SMYD2: variants seen among roughly 807,000 people sequenced by gnomAD.
The protein encoded by SMYD2 is SET and MYND domain containing 2.
SMYD2 carries 53 observed loss-of-function variants against 59.1 expected under a neutral mutation model. The ratio of observed to expected loss-of-function variants is 0.90; its 90% CI spans 0.72 to 1.13. The LOEUF (loss-of-function observed/expected upper bound fraction) is 1.13, where lower values mean the gene tolerates loss of function less well. SMYD2 is among the 50% of genes most tolerant of loss of function. SMYD2 has a pLI of 0.00. For missense variants in SMYD2, 494 were observed against 544.7 expected, an observed-to-expected ratio of 0.91 and a Z score of 0.93; for synonymous variants, 208 against 198.8, an observed-to-expected ratio of 1.05 and a Z score of -0.39.
intron 1 of SMYD2, among the ~76,000 whole-genome samples, chr1:214,293,692 T>C (rs1308066007): frequency 6.6e-6 from 1 of 152,120 alleles, no homozygotes; most frequent in Non-Finnish European, 1.5e-5. Context: ...AACTCTTTTT[T>C]TGAGATGGAG....
At chr1:214,302,022 C>G (rs561489292) in intron 1 of SMYD2, among the ~76,000 whole-genome samples, 42 of 152,296 alleles carry the variant, frequency 2.8e-4, no homozygotes, top group African/African-American at 8.9e-4. Context: ...CTTTCACCCT[C>G]TTACTGCCAG....
intron 6 of SMYD2, among the ~76,000 whole-genome samples, chr1:214,325,600 C>T (rs932540576): frequency 2.6e-5 from 4 of 152,126 alleles, no homozygotes; most frequent in Admixed American, 6.5e-5. Flanking sequence ...CTCTGCCAGA[C>T]GCTGTGCGTT....
At chr1:214,323,142 A>G (rs1438768661) in intron 5 of SMYD2, among the ~76,000 whole-genome samples, 3 of 152,130 alleles carry the variant, frequency 2.0e-5, no homozygotes, top group Non-Finnish European at 2.9e-5. Flanking sequence ...TAAAAAGTAG[A>G]GTCTTAGTTT....
At chr1:214,335,685 G>GTATC (rs1422168903) in intron 11 of SMYD2, among the ~76,000 whole-genome samples, 4 of 152,178 alleles carry the variant, frequency 2.6e-5, no homozygotes, top group Non-Finnish European at 5.9e-5. Context: ...TCGAAACACT[G>GTATC]TATCTGAATT....
chr1:214,332,201 A>T lies in SMYD2; in HGVS notation c.1112+9A>T. On this transcript the variant is annotated intron_variant, in intron 10 of 11. Coordinates refer to ENST00000366957, the MANE Select transcript of SMYD2 (RefSeq NM_020197.3). Reference sequence around the variant, plus strand: ...ATCATTAAGCCCTACAGGTGATTGCAGAGGCTGTTCTAATCATCCACGGAG... The same window carrying T: ...ATCATTAAGCCCTACAGGTGATTGCTGAGGCTGTTCTAATCATCCACGGAG... 6.2e-7 allele frequency: 1 copy of T among 1,613,442 alleles called. No individual in the cohort carries two copies. The highest frequency in any genetic ancestry group is 8.5e-7 in the Non-Finnish European group (1 of 1,179,630).
intron 1 of SMYD2, among the ~76,000 whole-genome samples, chr1:214,292,943 A>T (rs1246040316): frequency 2.6e-5 from 4 of 151,096 alleles, no homozygotes; most frequent in Non-Finnish European, 5.9e-5. Context: ...TAGAGCCTTC[A>T]GTTTGTTTAT....
intron 1 of SMYD2, among the ~76,000 whole-genome samples, chr1:214,297,529 A>G (rs1411057530): frequency 6.6e-6 from 1 of 152,168 alleles, no homozygotes; most frequent in Non-Finnish European, 1.5e-5. Context: ...TCAGTCAGCA[A>G]TAGTCGAACA....
intron 1 of SMYD2, among the ~76,000 whole-genome samples, chr1:214,289,953 G>T (rs1199499855): frequency 1.3e-5 from 2 of 152,236 alleles, no homozygotes; most frequent in Non-Finnish European, 2.9e-5. Context: ...GTTTAGGGGT[G>T]CAGTCCTTTG....
chr1:214,331,996 C>A (rs200824118), intron 9 of SMYD2, 22 bp from the exon 10 acceptor site: 2 of 1,605,120 alleles, frequency 1.2e-6, no homozygotes, highest in Non-Finnish European at 1.7e-6. Context: ...GCCCGGTGGC[C>A]CTTTCCTTGA....
intron 2 of SMYD2, 60 bp from the exon 3 acceptor site, chr1:214,314,702 C>T (rs1657052297): frequency 7.5e-7 from 1 of 1,335,794 alleles, no homozygotes; most frequent in Non-Finnish European, 1.1e-6. Context: ...ATCCTCTCCT[C>T]TCACACTTTA....
chr1:214,332,376 TC>T, intron 10 of SMYD2, 184 bp downstream of exon 10: 1 of 610,102 alleles, frequency 1.6e-6, no homozygotes. Flanking sequence ...CTCACCATCA[TC>T]CCAAGGAGAC....
intron 3 of SMYD2, among the ~76,000 whole-genome samples, chr1:214,316,917 G>C (rs190894643): frequency 6.6e-6 from 1 of 152,194 alleles, no homozygotes; most frequent in Non-Finnish European, 1.5e-5. Flanking sequence ...TGGGTGTGAG[G>C]TATCAGAGTC....
chr1:214,291,603 TA>T (rs1365703363), intron 1 of SMYD2, among the ~76,000 whole-genome samples: 1 of 152,244 alleles, frequency 6.6e-6, no homozygotes, highest in African/African-American at 2.4e-5. Context: ...TTGTTTTACG[TA>T]AAAACTTTGA....
At chr1:214,297,425 TC>T (rs1656752427) in intron 1 of SMYD2, among the ~76,000 whole-genome samples, 1 of 152,160 alleles carries the variant, frequency 6.6e-6, no homozygotes, top group Non-Finnish European at 1.5e-5. Flanking sequence ...TACGACTGTG[TC>T]TTTTGTAGGA....
At chr1:214,329,177 G>C (rs1657310510) in intron 7 of SMYD2, among the ~76,000 whole-genome samples, 1 of 152,132 alleles carries the variant, frequency 6.6e-6, no homozygotes, top group South Asian at 2.1e-4. Flanking sequence ...TCAGTGCTTT[G>C]GGGATTACTT....
At chr1:214,285,115 G>C (rs1656515544) in intron 1 of SMYD2, among the ~76,000 whole-genome samples, 1 of 152,182 alleles carries the variant, frequency 6.6e-6, no homozygotes, top group African/African-American at 2.4e-5. Context: ...GCTTAGATTA[G>C]TTGTTTTAAA....
At chr1:214,334,428 C>G (rs1312815379) in intron 11 of SMYD2, 120 bp downstream of exon 11, 3 of 906,750 alleles carry the variant, frequency 3.3e-6, no homozygotes, top group African/African-American at 3.3e-5. Context: ...TCTCACCCAC[C>G]CTCTTGCCGT....
rs756200703 is a variant in SMYD2 at position 214,312,618 on chromosome 1, G to A, written c.238-2144G>A. 1.5e-4 allele frequency among the ~76,000 whole-genome samples: 23 copies of A among 152,298 alleles called. No individual in the cohort carries two copies. Among genetic ancestry groups the A allele is most frequent in the Non-Finnish European group, 7.3e-5 (5 of 68,030 alleles). Reference sequence around the variant, plus strand: ...TCACATGGATATCCAGGGGAGGAGAGTGCTAGCCACAAAACAGAGCAAGTG... The same window carrying A: ...TCACATGGATATCCAGGGGAGGAGAATGCTAGCCACAAAACAGAGCAAGTG... On this transcript the variant is annotated intron_variant, in intron 2 of 11. Coordinates refer to ENST00000366957, the MANE Select transcript of SMYD2 (RefSeq NM_020197.3). This position sits in a 1 kb window ranked among gnomAD's most constrained non-coding sequence, Gnocchi z 4.1.
At chr1:214,295,057 AT>A (rs1339044003) in intron 1 of SMYD2, among the ~76,000 whole-genome samples, 1 of 152,164 alleles carries the variant, frequency 6.6e-6, no homozygotes, top group Non-Finnish European at 1.5e-5. Flanking sequence ...ATATTATTTT[AT>A]TGTCAGTTCC....
Sources: allele counts gnomAD v4.1 joint callset (sites outside exome capture counted in the v4.1 genomes callset), GRCh38; gene constraint gnomAD v4.1.1; non-coding constraint Gnocchi (gnomAD v3.1); transcripts MANE v1.5; gene names NCBI Gene and HGNC (gene_info 2026-07-23, HGNC 2026-07-21).